The following MAN1A1 variants were observed in gnomAD, a reference collection of about 807,000 sequenced individuals.
The protein encoded by MAN1A1 is mannosyl-oligosaccharide 1,2-alpha-mannosidase IA.
In MAN1A1, 29 loss-of-function variants were observed where a neutral mutation model predicts 70.8. That is an observed-to-expected ratio of 0.41 (90% CI 0.31 to 0.56). MAN1A1 has a LOEUF of 0.56. Ranked by LOEUF, MAN1A1 falls within the 20% of genes least tolerant of loss-of-function variation. MAN1A1 has a pLI of 0.29. For missense variants in MAN1A1, 747 were observed against 841.3 expected, an observed-to-expected ratio of 0.89 and a Z score of 1.39; for synonymous variants, 349 against 330.1, an observed-to-expected ratio of 1.06 and a Z score of -0.62.
intron 5 of MAN1A1, among the ~76,000 whole-genome samples, chr6:119,248,878 TTC>T (rs1199034742): frequency 6.6e-6 from 1 of 152,214 alleles, no homozygotes; most frequent in Non-Finnish European, 1.5e-5. Context: ...AGCTTTAACT[TTC>T]TCTGATGTTA....
rs75485653 is a variant in MAN1A1, at chr6:119,248,686, C to T, written c.898-332G>A. Reference sequence around the variant, plus strand: ...ATCAGGATTTTAAAAGCATCACAGGCGACGCCAGGTGATTTCAATGTGCAA... The same window carrying T: ...ATCAGGATTTTAAAAGCATCACAGGTGACGCCAGGTGATTTCAATGTGCAA... On this transcript the variant is annotated intron_variant, in intron 5 of 12. Transcript: ENST00000368468. 6.0e-3 allele frequency among the ~76,000 whole-genome samples: 914 copies of T among 152,172 alleles called. 32 individuals carry two copies. The East Asian group carries it at 0.091, about 15-fold the overall frequency.
intron 4 of MAN1A1, among the ~76,000 whole-genome samples, chr6:119,293,221 T>C (rs1317260043): frequency 6.6e-6 from 1 of 152,098 alleles, no homozygotes; most frequent in Non-Finnish European, 1.5e-5. Flanking sequence ...AAGGTCTGAG[T>C]CATGTCAAAC....
chr6:119,217,857 T>G (rs1351659721), intron 6 of MAN1A1, among the ~76,000 whole-genome samples: 3 of 152,222 alleles, frequency 2.0e-5, no homozygotes, highest in African/African-American at 7.2e-5. Flanking sequence ...GGGAGTTCGT[T>G]GTTTTTCTAA....
intron 5 of MAN1A1, among the ~76,000 whole-genome samples, chr6:119,251,924 G>A (rs913478140): frequency 6.6e-6 from 1 of 152,120 alleles, no homozygotes; most frequent in Non-Finnish European, 1.5e-5. Context: ...CCCTCTGTAT[G>A]CCTTGCTCAT....
chr6:119,287,033 C>T (rs1172040244), intron 5 of MAN1A1, among the ~76,000 whole-genome samples: 2 of 151,986 alleles, frequency 1.3e-5, no homozygotes, highest in Admixed American at 1.3e-4. Context: ...GATATGAATC[C>T]AAACTTTGAG....
chr6:119,215,113 T>C (rs1221644546), intron 6 of MAN1A1, among the ~76,000 whole-genome samples: 1 of 151,744 alleles, frequency 6.6e-6, no homozygotes, highest in Non-Finnish European at 1.5e-5. Flanking sequence ...GACGAGTTAA[T>C]GGGTGCAGCA....
chr6:119,179,687 G>T lies in MAN1A1; in HGVS notation c.*132C>A. ...TATACCTATGATAATAAACATAAAAGACTGCAAAACAATTTAAGAACTTAA... is the reference window on the plus strand; with the variant it reads ...TATACCTATGATAATAAACATAAAATACTGCAAAACAATTTAAGAACTTAA... On this transcript the variant is annotated 3_prime_UTR_variant, in exon 13 of 13. Coordinates refer to ENST00000368468, the MANE Select transcript of MAN1A1 (RefSeq NM_005907.4). 1.3e-6 allele frequency: 1 copy of T among 769,024 alleles called. No individual in the cohort carries two copies. Among genetic ancestry groups the T allele is most frequent in the Non-Finnish European group, 2.0e-6 (1 of 492,328 alleles). The allele number at this position is 769,024 out of a possible 1,614,324, so 47.6% of individuals were successfully genotyped here.
intron 5 of MAN1A1, among the ~76,000 whole-genome samples, chr6:119,284,621 C>A (rs1003733865): frequency 6.6e-6 from 1 of 151,902 alleles, no homozygotes; most frequent in African/African-American, 2.4e-5. Context: ...TTTCTTAATG[C>A]AGACCTTTGG....
At position 119,345,194 on chromosome 6, in the gene MAN1A1, G is replaced by T. The variant is rs371830655; in HGVS notation, c.603+3269C>A. On this transcript the variant is annotated intron_variant, in intron 2 of 12. Coordinates refer to ENST00000368468, the MANE Select transcript of MAN1A1 (RefSeq NM_005907.4). ...ATTGAGAAAATGGGAGAGGTTGAGG[G>T]GGGGGCGGAGCGGGGGAGAAGGGAA... is the stretch of plus-strand genomic sequence containing the variant. 6.4e-5 allele frequency among the ~76,000 whole-genome samples: 8 copies of T among 124,048 alleles called. 1 individual carries two copies. The South Asian group carries it at 7.0e-4, about 11-fold the overall frequency. The allele number at this position is 124,048 out of a possible 152,430, so 81.4% of individuals were successfully genotyped here.
In MAN1A1 at chr6:119,348,558, C is replaced by T. The variant is rs369850457; in HGVS notation, c.508G>A (p.Gly170Ser). Reference sequence around the variant, plus strand: ...GGCACGAAGTCCACCGGGGGCAGGCCTCTGAACGGCGCCTTGTCACGCAGC... The same window carrying T: ...GGCACGAAGTCCACCGGGGGCAGGCTTCTGAACGGCGCCTTGTCACGCAGC... ...DQLRDKAPFR[G>S]LPPVDFVPPI... Residue 170 changes from glycine (G) to serine (S), a missense_variant, in exon 2 of 13, where the codon GGC (glycine) becomes AGC (serine). Gly to Ser is a moderately conservative substitution (Grantham distance 56). Coordinates refer to ENST00000368468, the MANE Select transcript of MAN1A1 (RefSeq NM_005907.4). 4 of 1,613,548 alleles carry T rather than the reference C, an allele frequency of 2.5e-6. No individual in the cohort carries two copies. Among genetic ancestry groups the T allele is most frequent in the Non-Finnish European group, 3.4e-6 (4 of 1,179,816 alleles).
At chr6:119,238,882 T>C (rs1490418506) in intron 6 of MAN1A1, among the ~76,000 whole-genome samples, 1 of 151,826 alleles carries the variant, frequency 6.6e-6, no homozygotes, top group Non-Finnish European at 1.5e-5. Context: ...TGAAACTGGG[T>C]CTATTATTAT....
chr6:119,189,265 T>C (rs887248939), intron 10 of MAN1A1, among the ~76,000 whole-genome samples: 1 of 152,194 alleles, frequency 6.6e-6, no homozygotes, highest in African/African-American at 2.4e-5. Flanking sequence ...TTACACTTTG[T>C]GTTTCAAATT....
In MAN1A1 at chr6:119,317,589, C is replaced by T. The variant is rs114534770; in HGVS notation, c.604-10597G>A. Reference sequence around the variant, plus strand: ...TTCTTTTTAGTGTTGAATAATATTTCTTTTTAGTGCTGAATAATATTCCAT... The same window carrying T: ...TTCTTTTTAGTGTTGAATAATATTTTTTTTTAGTGCTGAATAATATTCCAT... On this transcript the variant is annotated intron_variant, in intron 2 of 12. Transcript: ENST00000368468. Among the ~76,000 whole-genome samples, 949 of 152,108 alleles carry T rather than the reference C, an allele frequency of 6.2e-3. 10 individuals carry two copies. Among genetic ancestry groups the T allele is most frequent in the African/African-American group, 0.021 (869 of 41,506 alleles).
At chr6:119,262,407 G>A (rs1043339968) in intron 5 of MAN1A1, among the ~76,000 whole-genome samples, 1 of 151,358 alleles carries the variant, frequency 6.6e-6, no homozygotes, top group Admixed American at 6.6e-5. Flanking sequence ...AAGGAAATAA[G>A]ATTTCAAAAG....
intron 5 of MAN1A1, among the ~76,000 whole-genome samples, chr6:119,270,598 A>T (rs1775892303): frequency 6.6e-6 from 1 of 152,134 alleles, no homozygotes; most frequent in Non-Finnish European, 1.5e-5. Context: ...TGGACATCAT[A>T]CAGTATTTAT....
chr6:119,280,817 T>G (rs1331473432), intron 5 of MAN1A1, among the ~76,000 whole-genome samples: 1 of 152,246 alleles, frequency 6.6e-6, no homozygotes, highest in Non-Finnish European at 1.5e-5. Context: ...ATAAAGTGAT[T>G]CAATATAAAT....
intron 6 of MAN1A1, among the ~76,000 whole-genome samples, chr6:119,231,436 G>A (rs181470003): frequency 7.2e-5 from 11 of 152,266 alleles, no homozygotes; most frequent in Admixed American, 5.2e-4. Flanking sequence ...TAAGTTTCCT[G>A]AGGCCTCCCC....
intron 5 of MAN1A1, among the ~76,000 whole-genome samples, chr6:119,251,784 C>T (rs1230467990): frequency 6.6e-6 from 1 of 152,174 alleles, no homozygotes; most frequent in Non-Finnish European, 1.5e-5. Flanking sequence ...CTGATATCAC[C>T]ACAGGGCTCC....
chr6:119,312,793 G>A (rs371259797), intron 2 of MAN1A1, among the ~76,000 whole-genome samples: 3 of 152,210 alleles, frequency 2.0e-5, no homozygotes, highest in Admixed American at 6.5e-5. Context: ...GAGGTGCTGA[G>A]ACTGCGAGGT....
Sources: allele counts gnomAD v4.1 joint callset (sites outside exome capture counted in the v4.1 genomes callset), GRCh38; gene constraint gnomAD v4.1.1; transcripts MANE v1.5; gene names NCBI Gene and HGNC (gene_info 2026-07-23, HGNC 2026-07-21).